The following ABCB1 variants were observed in gnomAD, a reference collection of about 807,000 sequenced individuals.
The protein encoded by ABCB1 is ATP binding cassette subfamily B member 1.
In ABCB1, 69 loss-of-function variants were observed where a neutral mutation model predicts 142.0. The ratio of observed to expected loss-of-function variants is 0.49; its 90% CI spans 0.40 to 0.59. The LOEUF (loss-of-function observed/expected upper bound fraction) is 0.59, where lower values mean the gene tolerates loss of function less well. Ranked by LOEUF, ABCB1 falls within the 20% of genes least tolerant of loss-of-function variation. The pLI, the probability that ABCB1 is intolerant of heterozygous loss-of-function variation, is 0.00. For synonymous variants in ABCB1, 532 were observed against 539.2 expected (o/e 0.99, Z 0.18); for missense variants, 1,326 against 1,554.7 (o/e 0.85, Z 2.47).
chr7:87,544,165 T>C lies in ABCB1; in HGVS notation c.2175A>G (p.Gln725=). ...TTGAAAATATTATTGCAAATGCTGGTTGCAGGCCTCCATTTATAATGGCAC... is the reference window on the plus strand; with the variant it reads ...TTGAAAATATTATTGCAAATGCTGGCTGCAGGCCTCCATTTATAATGGCAC... ...VFCAIINGGL[Q]PAFAIIFSKI... The change falls in exon 17 of 28, where the codon CAA becomes CAG. Residue 725 remains glutamine, a synonymous_variant. Transcript: ENST00000622132. 6.2e-7 allele frequency: 1 copy of C among 1,613,988 alleles called. No homozygotes were observed. The highest frequency in any genetic ancestry group is 1.3e-5 in the African/African-American group (1 of 75,038).
intron 1 of ABCB1, among the ~76,000 whole-genome samples, chr7:87,668,067 CT>C (rs755612383): frequency 1.6e-3 from 235 of 150,760 alleles, no homozygotes; most frequent in Non-Finnish European, 2.7e-3. Context: ...ATGGTACCAG[CT>C]CTCATTTGTA....
intron 3 of ABCB1, among the ~76,000 whole-genome samples, chr7:87,593,461 C>T (rs1819076692): frequency 1.3e-5 from 2 of 152,164 alleles, no homozygotes; most frequent in African/African-American, 2.4e-5. Context: ...AATTAACAGA[C>T]ATTGTGTGCA....
At chr7:87,541,206 T>C in intron 18 of ABCB1, 151 bp downstream of exon 18, 1 of 622,674 alleles carries the variant, frequency 1.6e-6, no homozygotes, top group South Asian at 1.9e-5. Context: ...GCAAACATCT[T>C]TTTTCACTAT....
intron 1 of ABCB1, among the ~76,000 whole-genome samples, chr7:87,625,983 T>G (rs923576908): frequency 4.1e-5 from 6 of 146,414 alleles, no homozygotes; most frequent in South Asian, 2.1e-4. Flanking sequence ...TATATATATA[T>G]ATATGTACAT....
chr7:87,675,998 C>T (rs1232163726), intron 1 of ABCB1, among the ~76,000 whole-genome samples: 4 of 152,130 alleles, frequency 2.6e-5, no homozygotes, highest in African/African-American at 9.7e-5. Context: ...TGGAGGATTG[C>T]TTGAGGTCAG....
Position 87,516,506 on chromosome 7 carries a change from C to T in ABCB1, c.3084+3G>A. On this transcript the variant is annotated splice_donor_region_variant and intron_variant, in intron 24 of 27. Coordinates refer to ENST00000622132, the MANE Select transcript of ABCB1 (RefSeq NM_001348946.2). ...GATCAAACAGTTGAAACATCAAACT[C>T]ACCGGCATTAGGCCTTCCGTGCTGT... 1 of 1,614,154 alleles carries T rather than the reference C, an allele frequency of 6.2e-7. No homozygotes were observed. The highest frequency in any genetic ancestry group is 8.5e-7 in the Non-Finnish European group (1 of 1,180,030).
At chr7:87,703,891 T>C (rs1829331846) in intron 1 of ABCB1, among the ~76,000 whole-genome samples, 1 of 111,322 alleles carries the variant, frequency 9.0e-6, no homozygotes, top group Non-Finnish European at 1.9e-5. Flanking sequence ...TTTTCTTTTT[T>C]TTTTTTTTTT....
At chr7:87,574,987 A>G (rs968059288) in intron 4 of ABCB1, among the ~76,000 whole-genome samples, 10 of 152,192 alleles carry the variant, frequency 6.6e-5, no homozygotes, top group African/African-American at 2.4e-4. Flanking sequence ...GAGCTACTAC[A>G]CAAGCCAGAC....
intron 24 of ABCB1, among the ~76,000 whole-genome samples, chr7:87,515,656 TCTCAGCTCACTGCAAC>T (rs1815208100): frequency 6.6e-6 from 1 of 152,096 alleles, no homozygotes; most frequent in Non-Finnish European, 1.5e-5. Context: ...AGTGGCATGA[TCTCAGCTCACTGCAAC>T]CTCCACCCCC....
intron 1 of ABCB1, among the ~76,000 whole-genome samples, chr7:87,632,169 C>G (rs28381763): frequency 0.01 from 1,523 of 150,546 alleles, 12 homozygotes; most frequent in Admixed American, 0.017. Flanking sequence ...TATACTTTCA[C>G]AGTAATGTTT....
chr7:87,607,863 G>A (rs571903439), intron 1 of ABCB1, among the ~76,000 whole-genome samples: 4 of 152,274 alleles, frequency 2.6e-5, no homozygotes, highest in African/African-American at 9.6e-5. Flanking sequence ...TGTATATGTT[G>A]TTAAAGGTGA....
Position 87,504,388 on chromosome 7 carries a change from C to A in ABCB1, c.3698G>T (p.Arg1233Leu), listed in dbSNP as rs201578293. ...EGRTCIVIAHRLSTIQNADLI... is the reference protein window; with the variant it reads ...EGRTCIVIAHLLSTIQNADLI... ...GTCTGCATTCTGGATGGTGGACAGG[C>A]GGTGAGCAATCACAATGCAGGTGCG... Residue 1233 changes from arginine to leucine, a missense_variant, in exon 28 of 28, where the codon CGC becomes CTC. Coordinates refer to ENST00000622132, the MANE Select transcript of ABCB1 (RefSeq NM_001348946.2). 4 of 1,614,084 alleles carry A rather than the reference C, an allele frequency of 2.5e-6. No individual in the cohort carries two copies. In the East Asian group the frequency reaches 8.9e-5, roughly 36 times the overall value.
At position 87,550,043 on chromosome 7, in the gene ABCB1, A is replaced by T. The variant is rs202187982; in HGVS notation, c.1362T>A (p.Asp454Glu). Residue 454 changes from aspartate to glutamate, a missense_variant, in exon 13 of 28, where the codon GAT becomes GAA. By Grantham distance (45) the Asp-to-Glu change is conservative. Transcript: ENST00000622132. ...CATTTATGGTCCTAATATCCTGTCC[A>T]TCAACACTGACCTGGAATAAAAAGT... ...YDPTEGMVSV[D>E]GQDIRTINVR... 6.2e-7 allele frequency: 1 copy of T among 1,614,234 alleles called. No homozygotes were observed. The highest frequency in any genetic ancestry group is 8.5e-7 in the Non-Finnish European group (1 of 1,180,046).
Position 87,568,529 on chromosome 7 carries a change from C to T in ABCB1, c.339-1553G>A, listed in dbSNP as rs1817892557. 2.0e-5 allele frequency among the ~76,000 whole-genome samples: 3 copies of T among 152,136 alleles called. No homozygotes were observed. The South Asian group carries it at 6.2e-4, about 31-fold the overall frequency. On this transcript the variant is annotated intron_variant, in intron 5 of 27. Coordinates refer to ENST00000622132, the MANE Select transcript of ABCB1 (RefSeq NM_001348946.2). ...CAATATTCCCACTTTTTAAACTTCA[C>T]TACTTACCATCTTCAAATTAAACTG... is the stretch of plus-strand genomic sequence containing the variant.
At chr7:87,628,231 C>G (rs950593535) in intron 1 of ABCB1, among the ~76,000 whole-genome samples, 1 of 152,350 alleles carries the variant, frequency 6.6e-6, no homozygotes, top group South Asian at 2.1e-4. Context: ...GCGAGCCCAG[C>G]GTCCTTGACA....
chr7:87,627,733 A>G (rs926427940), intron 1 of ABCB1: 3 of 152,246 alleles, frequency 2.0e-5, no homozygotes, highest in Non-Finnish European at 2.9e-5. Flanking sequence ...TGGGCTTACT[A>G]TTCCCAGACC....
chr7:87,531,302 A>T lies in ABCB1; in HGVS notation c.2677T>A (p.Ser893Thr), dbSNP rs2032582. Residue 893 changes from serine to threonine, a missense_variant, in exon 21 of 28, where the codon TCT becomes ACT. By Grantham distance (58) the Ser-to-Thr change is moderately conservative. Coordinates refer to ENST00000622132, the MANE Select transcript of ABCB1 (RefSeq NM_001348946.2). ...TATTTAGTTTGACTCACCTTCCCAGAACCTTCTAGTTCTTTCTTATCTTTC... is the reference window on the plus strand; with the variant it reads ...TATTTAGTTTGACTCACCTTCCCAGTACCTTCTAGTTCTTTCTTATCTTTC... ...ALKDKKELEG[S>T]GKIATEAIEN... 0.026 allele frequency: 42,453 copies of T among 1,612,540 alleles called. 1,104 individuals are homozygous for T. The highest frequency in any genetic ancestry group is 0.15 in the East Asian group (6,886 of 44,768).
chr7:87,668,168 A>G (rs1825461491), intron 1 of ABCB1, among the ~76,000 whole-genome samples: 1 of 149,570 alleles, frequency 6.7e-6, no homozygotes, highest in South Asian at 2.1e-4. Flanking sequence ...TTCAGAGCTC[A>G]TTATTGGTCT....
chr7:87,702,142 C>CAAAAAAAAAAAAAAAA (rs146127516), intron 1 of ABCB1, among the ~76,000 whole-genome samples: 1 of 16,776 alleles, frequency 6.0e-5, no homozygotes, highest in African/African-American at 1.7e-4. Flanking sequence ...GACTCTGTCT[C>CAAAAAAAAAAAAAAAA]AAAAAAAAAA....
Sources: allele counts gnomAD v4.1 joint callset (sites outside exome capture counted in the v4.1 genomes callset), GRCh38; gene constraint gnomAD v4.1.1; transcripts MANE v1.5; gene names NCBI Gene and HGNC (gene_info 2026-07-23, HGNC 2026-07-21).